Variants in GABBR2 observed in about 807,000 individuals in gnomAD.
GABBR2 encodes the protein gamma-aminobutyric acid type B receptor subunit 2.
A neutral mutation model predicts 105.6 loss-of-function variants in GABBR2; 23 were observed. That is an observed-to-expected ratio of 0.22 (90% CI 0.16 to 0.31). GABBR2 has a LOEUF of 0.31. Ranked by LOEUF, GABBR2 falls within the 10% of genes least tolerant of loss-of-function variation. The probability of loss-of-function intolerance (pLI) is 1.00; values close to 1 mark genes in which losing one functional copy is unlikely to be tolerated. For missense variants in GABBR2, 734 were observed against 1,245.5 expected (o/e 0.59, Z 6.18); for synonymous variants, 478 against 499.7 (o/e 0.96, Z 0.58).
At position 98,331,396 on chromosome 9, in the gene GABBR2, C is replaced by CTTTTTT. The variant is rs142735341; in HGVS notation, c.1894-20197_1894-20192dup. On this transcript the variant is annotated intron_variant, in intron 13 of 18. Transcript: ENST00000259455. ...AAGACTTGGGGGAAAAGTCCCTCTT[C>CTTTTTT]TTTTTTTTTTTTTTTTTTTTTTTTT... Among the ~76,000 whole-genome samples, 321 of 75,960 alleles carry CTTTTTT rather than the reference C, an allele frequency of 4.2e-3. 1 individual carries two copies. Among genetic ancestry groups the CTTTTTT allele is most frequent in the African/African-American group, 4.7e-3 (86 of 18,272 alleles). The allele number at this position is 75,960 out of a possible 152,430, so 49.8% of individuals were successfully genotyped here. A position where few individuals can be genotyped will look rare whatever the true frequency, so the allele number is the denominator to read the frequency against.
intron 1 of GABBR2, among the ~76,000 whole-genome samples, chr9:98,706,124 A>G (rs1273987702): frequency 2.0e-5 from 3 of 149,020 alleles, no homozygotes; most frequent in Admixed American, 1.3e-4. Context: ...AAAAAAAAAA[A>G]AAGAAGGAGG....
Position 98,303,437 on chromosome 9 carries a change from G to T in GABBR2, c.2230-14C>A, listed in dbSNP as rs916651902. On this transcript the variant is annotated splice_polypyrimidine_tract_variant and intron_variant, in intron 15 of 18. Transcript: ENST00000259455. ...CAGGGTGATGAGCTGAAAGGACAAAGGTTGGGGCGGGGTTGAAGAGAGAGC... is the reference window on the plus strand; with the variant it reads ...CAGGGTGATGAGCTGAAAGGACAAATGTTGGGGCGGGGTTGAAGAGAGAGC... 6.2e-7 allele frequency: 1 copy of T among 1,612,268 alleles called. No homozygotes were observed. Among genetic ancestry groups the T allele is most frequent in the African/African-American group, 1.3e-5 (1 of 75,008 alleles).
intron 8 of GABBR2, among the ~76,000 whole-genome samples, chr9:98,399,965 C>A (rs1832361286): frequency 6.6e-6 from 1 of 151,094 alleles, no homozygotes; most frequent in Non-Finnish European, 1.5e-5. Flanking sequence ...TCGCTTCAGG[C>A]CACGAGTTTG....
chr9:98,597,600 C>T (rs1437217390), intron 1 of GABBR2, among the ~76,000 whole-genome samples: 1 of 152,130 alleles, frequency 6.6e-6, no homozygotes, highest in African/African-American at 2.4e-5. Context: ...TCACCCACAA[C>T]CTCATGAATC....
rs146711381 is a variant in GABBR2 at position 98,335,617 on chromosome 9, A to C, written c.1894-24412T>G. ...TTTTCAAAAAGATCTTTTCTGGGTGATGTAGCAGGATTGAGAACCACGAGT... is the reference window on the plus strand; with the variant it reads ...TTTTCAAAAAGATCTTTTCTGGGTGCTGTAGCAGGATTGAGAACCACGAGT... On this transcript the variant is annotated intron_variant, in intron 13 of 18. Transcript: ENST00000259455. Among the ~76,000 whole-genome samples the C allele has an allele frequency of 3.0e-3, 463 of 152,286 alleles. 3 individuals carry two copies. Among genetic ancestry groups the C allele is most frequent in the African/African-American group, 0.011 (438 of 41,530 alleles).
At chr9:98,409,645 G>C (rs1217687774) in intron 7 of GABBR2, among the ~76,000 whole-genome samples, 1 of 152,166 alleles carries the variant, frequency 6.6e-6, no homozygotes, top group Non-Finnish European at 1.5e-5. Context: ...TGTTAGTTCA[G>C]GTTATGCCCC....
At chr9:98,374,568 G>C (rs959737105) in intron 11 of GABBR2, among the ~76,000 whole-genome samples, 4 of 152,120 alleles carry the variant, frequency 2.6e-5, no homozygotes, top group African/African-American at 7.2e-5. Context: ...CTTCCTTCTG[G>C]GAGTCTGGAA....
chr9:98,607,436 C>A, intron 1 of GABBR2: 1 of 602,988 alleles, frequency 1.7e-6, no homozygotes, highest in South Asian at 2.1e-5. Context: ...CAGAGGAATG[C>A]TAACAGTTTA....
intron 1 of GABBR2, among the ~76,000 whole-genome samples, chr9:98,647,760 T>C (rs1462301911): frequency 6.6e-6 from 1 of 152,192 alleles, no homozygotes; most frequent in Non-Finnish European, 1.5e-5. Flanking sequence ...TCCCATCTTT[T>C]GTTCATAAGT....
At chr9:98,506,679 C>G (rs1043387868) in intron 3 of GABBR2, among the ~76,000 whole-genome samples, 1 of 152,220 alleles carries the variant, frequency 6.6e-6, no homozygotes, top group Non-Finnish European at 1.5e-5. Flanking sequence ...CTGAGGGCAG[C>G]TGGAGTTCCC....
At chr9:98,369,453 G>A (rs76573275) in intron 12 of GABBR2, among the ~76,000 whole-genome samples, 6,005 of 152,252 alleles carry the variant, frequency 0.039, 172 homozygotes, top group Non-Finnish European at 0.061. Flanking sequence ...CACCAGGCAG[G>A]AGCCCACAGA....
intron 7 of GABBR2, among the ~76,000 whole-genome samples, chr9:98,432,123 T>TG (rs1191092705): frequency 9.2e-5 from 14 of 152,242 alleles, no homozygotes; most frequent in African/African-American, 2.7e-4. Context: ...TTTGAACTCC[T>TG]GATCTCAAAG....
At chr9:98,458,867 A>G (rs1826372640) in intron 6 of GABBR2, among the ~76,000 whole-genome samples, 1 of 152,216 alleles carries the variant, frequency 6.6e-6, no homozygotes, top group African/African-American at 2.4e-5. Context: ...CTGCGATCTG[A>G]TTATTGGATA....
intron 7 of GABBR2, among the ~76,000 whole-genome samples, chr9:98,452,877 T>C (rs891231963): frequency 7.9e-5 from 12 of 152,234 alleles, no homozygotes; most frequent in African/African-American, 2.7e-4. Context: ...ATTTCCATTG[T>C]GTGAATGAAA....
At position 98,548,527 on chromosome 9, in the gene GABBR2, CCTCTT is replaced by C. The variant is rs1393996697; in HGVS notation, c.460-6489_460-6485del. Among the ~76,000 whole-genome samples, 2 of 115,858 alleles carry C rather than the reference CCTCTT, an allele frequency of 1.7e-5. 1 individual carries two copies. Among genetic ancestry groups the C allele is most frequent in the Non-Finnish European group, 3.8e-5 (2 of 52,282 alleles). The allele number at this position is 115,858 out of a possible 152,430, so 76.0% of individuals were successfully genotyped here. On this transcript the variant is annotated intron_variant, in intron 2 of 18. Transcript: ENST00000259455. ...CAATTCACATCTAGTGTGCTCCCCT[CCTCTT>C]CTCATCCAGGTTTTTTTTCCCCCTA...
chr9:98,290,884 A>G (rs1180125261), intron 18 of GABBR2, 135 bp from the exon 19 acceptor site: 1 of 506,158 alleles, frequency 2.0e-6, no homozygotes, highest in Non-Finnish European at 3.4e-6. Flanking sequence ...TGTCCATCCA[A>G]TCATCTAACC....
rs185222260 is a variant in GABBR2, at chr9:98,538,777, G to A, written c.630+3096C>T. 2.9e-4 allele frequency: 47 copies of A among 162,922 alleles called. No homozygotes were observed. In the East Asian group the frequency reaches 9.0e-3, roughly 31 times the overall value. 10.1% of individuals were successfully genotyped at this position (162,922 alleles called of 1,614,324 possible). A position where few individuals can be genotyped will look rare whatever the true frequency, so the allele number is the denominator to read the frequency against. On this transcript the variant is annotated intron_variant, in intron 3 of 18. Transcript: ENST00000259455. Reference sequence around the variant, plus strand: ...TTGCTGATCGACCAGTTTCATAAAAGGAATCCAGTTTCCTTTGCACTCATG... The same window carrying A: ...TTGCTGATCGACCAGTTTCATAAAAAGAATCCAGTTTCCTTTGCACTCATG...
chr9:98,528,615 T>TA (rs61682192), intron 3 of GABBR2, among the ~76,000 whole-genome samples: 17,653 of 151,250 alleles, frequency 0.12, 1,693 homozygotes, highest in East Asian at 0.5. Context: ...TATAAATCAG[T>TA]AAAAAAAAGA....
chr9:98,708,539 C>T lies in GABBR2; in HGVS notation c.199G>A (p.Glu67Lys). The T allele has an allele frequency of 6.3e-7, 1 of 1,595,988 alleles. No individual in the cohort carries two copies. ...CGCCCGATGCTGCCCTTGGCCACCT[C>T]CTTGGTGAGCGGCATGAGGCCCATG... ...SIMGLMPLTKEVAKGSIGRGV... is the reference protein window; with the variant it reads ...SIMGLMPLTKKVAKGSIGRGV... The change falls in exon 1 of 19, where the codon GAG (glutamate) becomes AAG (lysine). Residue 67 changes from glutamate (E) to lysine (K), a missense_variant. Transcript: ENST00000259455.
Sources: gnomAD v4.1 joint callset for allele counts (sites outside exome capture counted in the v4.1 genomes callset) on GRCh38, gnomAD v4.1.1 for gene constraint, MANE v1.5 for transcripts, NCBI Gene and HGNC (gene_info 2026-07-23, HGNC 2026-07-21) for gene names.